Variants in MAX observed in about 807,000 individuals in gnomAD.
MAX encodes protein max.
MAX carries 3 observed loss-of-function variants against 22.3 expected under a neutral mutation model. That is an observed-to-expected ratio of 0.13 (90% CI 0.06 to 0.35). The LOEUF is 0.35. Among genes scored for constraint, MAX ranks in the 10% least tolerant of loss-of-function variants. The probability of loss-of-function intolerance (pLI) is 1.00; values close to 1 mark genes in which losing one functional copy is unlikely to be tolerated. For synonymous variants in MAX, 72 were observed against 77.7 expected (o/e 0.93, Z 0.39); for missense variants, 119 against 209.4 (o/e 0.57, Z 2.66).
chr14:65,059,016 TTTTTTC>T (rs2062803567), intron 3 of MAX, among the ~76,000 whole-genome samples: 1 of 152,168 alleles, frequency 6.6e-6, no homozygotes, highest in Admixed American at 6.5e-5. Flanking sequence ...ACCTCTTACC[TTTTTTC>T]TTTTTCTTTT....
At position 65,031,820 on chromosome 14, in the gene MAX, C is replaced by G. The variant is rs2062090555; in HGVS notation, c.172-25536G>C. ...CCTGTAATCCCAGCTACTTGGGAGG[C>G]TGATACAGGAGAATTGCTTGAACCC... On this transcript the variant is annotated intron_variant, in intron 3 of 3. Coordinates refer to the MAX transcript ENST00000341653. This position sits in a 1 kb window ranked among gnomAD's most constrained non-coding sequence, Gnocchi z 4.6. Among the ~76,000 whole-genome samples the G allele has an allele frequency of 6.6e-6, 1 of 152,060 alleles. No individual in the cohort carries two copies.
At position 65,012,257 on chromosome 14, in the gene MAX, C is replaced by G. The variant is rs112687927; in HGVS notation, c.172-5973G>C. 15 of 1,601,586 alleles carry G rather than the reference C, an allele frequency of 9.4e-6. No homozygotes were observed. Among genetic ancestry groups the G allele is most frequent in the Non-Finnish European group, 1.3e-5 (15 of 1,169,536 alleles). ...ACCCGTGTGTGTGTACGTGCACATA[C>G]GTGTGTATGGTGGAAGCATAAGCTA... On this transcript the variant is annotated intron_variant, in intron 3 of 3. Transcript: ENST00000341653. This position sits in a 1 kb window ranked among gnomAD's most constrained non-coding sequence, Gnocchi z 5.0.
At chr14:65,021,937 C>T (rs117861584) in intron 3 of MAX, 45,468 of 456,000 alleles carry the variant, frequency 0.1, 3,207 homozygotes, top group Admixed American at 0.21. Context: ...TGAGCCACTG[C>T]GCCCGGCCTA....
At chr14:65,065,063 C>T (rs922608081) in intron 3 of MAX, among the ~76,000 whole-genome samples, 13 of 152,182 alleles carry the variant, frequency 8.5e-5, no homozygotes, top group African/African-American at 2.7e-4. Context: ...TGTCCTTGCC[C>T]CAGTGATCAA....
chr14:65,085,177 A>G (rs1050545134), intron 3 of MAX, among the ~76,000 whole-genome samples: 11 of 152,218 alleles, frequency 7.2e-5, no homozygotes, highest in African/African-American at 2.7e-4. Context: ...TAGGCTAAAT[A>G]AATTATATTA....
chr14:65,035,139 A>G (rs2062159925), intron 3 of MAX, among the ~76,000 whole-genome samples: 1 of 152,224 alleles, frequency 6.6e-6, no homozygotes, highest in Admixed American at 6.5e-5. Flanking sequence ...GGCAGCCTGC[A>G]TCTTCCTGCC....
chr14:65,061,099 G>A, intron 3 of MAX: 1 of 1,561,022 alleles, frequency 6.4e-7, no homozygotes, highest in Non-Finnish European at 8.7e-7. Context: ...ATTCTTAGAA[G>A]TGCCTTTCAT....
Position 65,023,891 on chromosome 14 carries a change from G to A in MAX, c.172-17607C>T, listed in dbSNP as rs2061931701. On this transcript the variant is annotated intron_variant, in intron 3 of 3. Transcript: ENST00000341653. This position sits in a 1 kb window ranked among gnomAD's most constrained non-coding sequence, Gnocchi z 4.1. ...CAAGGCGGGCGGATTGTCTGAGCTC[G>A]GGAGTTCGAGACCAGCCTGGGCAAC... Among the ~76,000 whole-genome samples the A allele has an allele frequency of 6.6e-6, 1 of 151,986 alleles. No individual in the cohort carries two copies. Among genetic ancestry groups the A allele is most frequent in the Non-Finnish European group, 1.5e-5 (1 of 67,986 alleles).
At chr14:65,006,266 T>C (rs2139487469) in exon 4 of MAX, 1 of 1,612,118 alleles carries the variant, frequency 6.2e-7, no homozygotes, top group Non-Finnish European at 8.5e-7. Flanking sequence ...GGTGGGAGGG[T>C]TAACTTCATC....
Position 65,032,719 on chromosome 14 carries a change from C to T in MAX, c.172-26435G>A, listed in dbSNP as rs1366878056. 1 of 1,610,116 alleles carries T rather than the reference C, an allele frequency of 6.2e-7. No homozygotes were observed. The highest frequency in any genetic ancestry group is 8.5e-7 in the Non-Finnish European group (1 of 1,178,704). On this transcript the variant is annotated intron_variant, in intron 3 of 3. Coordinates refer to the MAX transcript ENST00000341653. The surrounding 1 kb of genome is among the most constrained non-coding windows in gnomAD (Gnocchi z 5.0). ...AAGGTGAGAGAAGCCAGGGTTTCTC[C>T]TGGCCTCTTGGAGAGCAGGCGGTCA...
chr14:65,039,652 C>A (rs924435105), intron 3 of MAX, among the ~76,000 whole-genome samples: 4 of 152,064 alleles, frequency 2.6e-5, no homozygotes, highest in Non-Finnish European at 4.4e-5. Flanking sequence ...TATTTCTTGT[C>A]CTTCTTGTGT....
chr14:65,083,776 G>C, intron 3 of MAX: 1 of 1,118,004 alleles, frequency 8.9e-7, no homozygotes, highest in Non-Finnish European at 1.1e-6. Context: ...TTTTGTACTA[G>C]TTATTTTAGA....
chr14:65,096,815 C>T (rs1221432798), intron 2 of MAX, among the ~76,000 whole-genome samples: 3 of 152,076 alleles, frequency 2.0e-5, no homozygotes, highest in Admixed American at 6.5e-5. Flanking sequence ...TACGGAAAAC[C>T]CCCTTGTGGA....
chr14:65,050,260 C>T (rs1376769486), intron 3 of MAX, among the ~76,000 whole-genome samples: 1 of 152,164 alleles, frequency 6.6e-6, no homozygotes, highest in East Asian at 1.9e-4. Context: ...CTATCAGGTA[C>T]TATTTCTTTT....
At chr14:65,102,130 G>A (rs1468271834) in intron 1 of MAX, among the ~76,000 whole-genome samples, 174 bp downstream of exon 1, 1 of 152,162 alleles carries the variant, frequency 6.6e-6, no homozygotes, top group African/African-American at 2.4e-5. Flanking sequence ...GGCCGCTCCG[G>A]CCAGGAGCCG....
Position 65,084,082 on chromosome 14 carries a change from T to C in MAX, c.172-6046A>G. On this transcript the variant is annotated intron_variant, in intron 3 of 4. Transcript: ENST00000358664. The surrounding 1 kb of genome is among the most constrained non-coding windows in gnomAD (Gnocchi z 4.3). ...GGGCCTCCCCAGCCACAGGACCATT[T>C]TGCTGATTACCAGGGTAAGGCAGAG... 6.3e-7 allele frequency: 1 copy of C among 1,597,828 alleles called. No individual in the cohort carries two copies. Among genetic ancestry groups the C allele is most frequent in the Non-Finnish European group, 8.6e-7 (1 of 1,169,514 alleles).
intron 3 of MAX, among the ~76,000 whole-genome samples, chr14:65,059,496 C>T (rs2062813760): frequency 6.6e-6 from 1 of 151,996 alleles, no homozygotes; most frequent in Non-Finnish European, 1.5e-5. Flanking sequence ...TTCATGTAGG[C>T]CTTTAAAAAT....
chr14:65,054,507 G>A lies in MAX; in HGVS notation c.171+39201C>T. 2 of 1,481,694 alleles carry A rather than the reference G, an allele frequency of 1.3e-6. No homozygotes were observed. The highest frequency in any genetic ancestry group is 1.8e-6 in the Non-Finnish European group (2 of 1,083,332). The allele number at this position is 1,481,694 out of a possible 1,614,324, so 91.8% of individuals were successfully genotyped here. On this transcript the variant is annotated intron_variant, in intron 3 of 3. Coordinates refer to the MAX transcript ENST00000341653. This position sits in a 1 kb window ranked among gnomAD's most constrained non-coding sequence, Gnocchi z 4.4. ...TGATTGCACCAGTGGTCTCTGAATT[G>A]GTGTGGCTACATTTGTAGATGTGTG...
chr14:65,068,015 G>A (rs1320085522), intron 3 of MAX, among the ~76,000 whole-genome samples: 1 of 152,080 alleles, frequency 6.6e-6, no homozygotes, highest in Non-Finnish European at 1.5e-5. Flanking sequence ...CTATCAACCT[G>A]CTTCATCATG....
Sources: gnomAD v4.1 joint callset for allele counts (sites outside exome capture counted in the v4.1 genomes callset) on GRCh38, gnomAD v4.1.1 for gene constraint, Gnocchi (gnomAD v3.1) non-coding constraint, MANE v1.5 for transcripts, NCBI Gene and HGNC (gene_info 2026-07-23, HGNC 2026-07-21) for gene names.